The following PHTF1 variants were observed in gnomAD, a reference collection of about 807,000 sequenced individuals.
PHTF1 encodes putative homeodomain transcription factor 1.
PHTF1 carries 88 observed loss-of-function variants against 102.4 expected under a neutral mutation model. The observed-to-expected ratio is 0.86, with a 90% CI of 0.72 to 1.03. The LOEUF (loss-of-function observed/expected upper bound fraction) is 1.03, where lower values mean the gene tolerates loss of function less well. PHTF1 is among the 50% of genes least tolerant of loss of function. The probability of loss-of-function intolerance (pLI) is 0.00; values close to 1 mark genes in which losing one functional copy is unlikely to be tolerated. For missense variants in PHTF1, 814 were observed against 909.5 expected, an observed-to-expected ratio of 0.89 and a Z score of 1.35; for synonymous variants, 289 against 305.2, an observed-to-expected ratio of 0.95 and a Z score of 0.55.
intron 3 of PHTF1, among the ~76,000 whole-genome samples, chr1:113,753,723 CTTT>C (rs879322976): frequency 7.0e-6 from 1 of 143,302 alleles, no homozygotes; most frequent in Non-Finnish European, 1.5e-5. Flanking sequence ...CGTGCCCAGC[CTTT>C]TTTTTTTTTT....
At chr1:113,711,057 G>A (rs1481338455) in intron 10 of PHTF1, among the ~76,000 whole-genome samples, 2 of 152,018 alleles carry the variant, frequency 1.3e-5, no homozygotes, top group African/African-American at 4.8e-5. Context: ...TGTTCTGGGA[G>A]GGGAGTGATT....
At chr1:113,750,043 A>G (rs1270077258) in intron 3 of PHTF1, among the ~76,000 whole-genome samples, 1 of 151,812 alleles carries the variant, frequency 6.6e-6, no homozygotes, top group African/African-American at 2.4e-5. Flanking sequence ...CACCCCGTCT[A>G]GAGTGCAGTG....
At chr1:113,749,606 AG>A (rs1174777492) in intron 3 of PHTF1, 1 of 152,236 alleles carries the variant, frequency 6.6e-6, no homozygotes, top group Non-Finnish European at 1.5e-5. Context: ...GAGGAAGATA[AG>A]GGTAACTATG....
At chr1:113,719,087 AC>A (rs1652524743) in intron 7 of PHTF1, among the ~76,000 whole-genome samples, 1 of 151,154 alleles carries the variant, frequency 6.6e-6, no homozygotes, top group South Asian at 2.1e-4. Flanking sequence ...TGCAAATGCC[AC>A]CTCTTGGGTT....
intron 17 of PHTF1, among the ~76,000 whole-genome samples, chr1:113,698,620 T>TACAC (rs56167437): frequency 0.049 from 2,455 of 49,672 alleles, 71 homozygotes; most frequent in African/African-American, 0.092. Context: ...TATATATATA[T>TACAC]ACACACACAC....
intron 3 of PHTF1, among the ~76,000 whole-genome samples, chr1:113,753,856 A>C (rs968263106): frequency 4.0e-5 from 6 of 151,642 alleles, no homozygotes; most frequent in Non-Finnish European, 8.8e-5. Flanking sequence ...TTTTTTGTAG[A>C]GACAGAGTCT....
intron 3 of PHTF1, among the ~76,000 whole-genome samples, chr1:113,743,219 C>T (rs905405563): frequency 1.3e-5 from 2 of 151,930 alleles, no homozygotes; most frequent in African/African-American, 4.8e-5. Flanking sequence ...TAAAAACACA[C>T]ATTTTCTTTA....
At chr1:113,725,831 G>A (rs1015061220) in intron 6 of PHTF1, 1 of 153,124 alleles carries the variant, frequency 6.5e-6, no homozygotes, top group Admixed American at 6.6e-5. Flanking sequence ...AGCTGGGTGT[G>A]GTGGCATACG....
chr1:113,754,228 T>C (rs1345569720), intron 3 of PHTF1, among the ~76,000 whole-genome samples: 2 of 152,100 alleles, frequency 1.3e-5, no homozygotes, highest in Admixed American at 6.6e-5. Flanking sequence ...CTGGACAACA[T>C]GGCAAGACCT....
chr1:113,708,419 A>T (rs1467895057), intron 11 of PHTF1, among the ~76,000 whole-genome samples: 2 of 152,198 alleles, frequency 1.3e-5, no homozygotes, highest in African/African-American at 4.8e-5. Flanking sequence ...TGAGGTCAGG[A>T]GTTCGAGACC....
chr1:113,709,348 T>C (rs1368067695), intron 11 of PHTF1, among the ~76,000 whole-genome samples: 1 of 152,234 alleles, frequency 6.6e-6, no homozygotes, highest in Non-Finnish European at 1.5e-5. Flanking sequence ...AAATCAATGG[T>C]ATTTTTGAAT....
intron 15 of PHTF1, among the ~76,000 whole-genome samples, chr1:113,703,001 A>C (rs1649618407): frequency 6.6e-6 from 1 of 152,262 alleles, no homozygotes; most frequent in African/African-American, 2.4e-5. Flanking sequence ...TCAACTGCCC[A>C]AAAAGATGGA....
intron 6 of PHTF1, chr1:113,725,756 G>A (rs1035460042): frequency 6.6e-6 from 1 of 152,498 alleles, no homozygotes; most frequent in Non-Finnish European, 1.5e-5. Context: ...CTGAGGTCAG[G>A]AGTTCTAGAT....
At chr1:113,719,321 C>T (rs530657764) in intron 7 of PHTF1, among the ~76,000 whole-genome samples, 11 of 152,178 alleles carry the variant, frequency 7.2e-5, no homozygotes, top group Admixed American at 2.6e-4. Flanking sequence ...TCTTTTCTAT[C>T]GCATAGTCAG....
At chr1:113,750,663 C>T (rs1657926732) in intron 3 of PHTF1, among the ~76,000 whole-genome samples, 1 of 150,670 alleles carries the variant, frequency 6.6e-6, no homozygotes, top group African/African-American at 2.4e-5. Flanking sequence ...TCGAGCCATC[C>T]TGGCCAACAT....
At chr1:113,727,246 A>G (rs760861298) in intron 5 of PHTF1, among the ~76,000 whole-genome samples, 6 of 152,196 alleles carry the variant, frequency 3.9e-5, no homozygotes, top group Non-Finnish European at 8.8e-5. Flanking sequence ...TAAAATCCCA[A>G]TACTCAAACA....
intron 5 of PHTF1, among the ~76,000 whole-genome samples, chr1:113,726,870 T>C (rs1460345185): frequency 2.6e-5 from 4 of 152,106 alleles, no homozygotes; most frequent in Admixed American, 1.3e-4. Flanking sequence ...ATAAAACACA[T>C]TTTGAAGTGC....
chr1:113,714,253 A>G (rs1571125497), intron 7 of PHTF1: 1 of 152,216 alleles, frequency 6.6e-6, no homozygotes, highest in East Asian at 1.9e-4. Context: ...AAGAGAGGGA[A>G]GAGTAAAGGG....
Position 113,759,024 on chromosome 1 carries a change from T to G in PHTF1, c.-32A>C. On this transcript the variant is annotated splice_region_variant and 5_prime_UTR_variant, in exon 1 of 19. It removes the in-frame stop codon of an upstream open reading frame in the 5' UTR. Coordinates refer to ENST00000369604, the MANE Select transcript of PHTF1 (RefSeq NM_001323043.2). ...CGCTCGCCCGCGTCCGGCTCTCACCTAGTGCCCGTTGCCCCGCGGGCCGGC... is the reference window on the plus strand; with the variant it reads ...CGCTCGCCCGCGTCCGGCTCTCACCGAGTGCCCGTTGCCCCGCGGGCCGGC... 1 of 1,037,112 alleles carries G rather than the reference T, an allele frequency of 9.6e-7. No homozygotes were observed. The highest frequency in any genetic ancestry group is 5.7e-5 in the Admixed American group (1 of 17,688). 64.2% of individuals were successfully genotyped at this position (1,037,112 alleles called of 1,614,324 possible).
Sources: allele counts gnomAD v4.1 joint callset (sites outside exome capture counted in the v4.1 genomes callset), GRCh38; gene constraint gnomAD v4.1.1; transcripts MANE v1.5; gene names NCBI Gene and HGNC (gene_info 2026-07-23, HGNC 2026-07-21).